Variants in LINGO2 observed in about 807,000 individuals in gnomAD.
The protein encoded by LINGO2 is leucine-rich repeat and immunoglobulin-like domain-containing nogo receptor-interacting protein 2.
LINGO2 carries 14 observed loss-of-function variants against 30.6 expected under a neutral mutation model. The observed-to-expected ratio is 0.46, with a 90% confidence interval of 0.30 to 0.72. The LOEUF (loss-of-function observed/expected upper bound fraction) is 0.72, where lower values mean the gene tolerates loss of function less well. Ranked by LOEUF, LINGO2 falls within the 30% of genes least tolerant of loss-of-function variation. The pLI is 0.07. For missense variants in LINGO2, 729 were observed against 751.7 expected, an observed-to-expected ratio of 0.97 and a Z score of 0.35; for synonymous variants, 317 against 288.5, an observed-to-expected ratio of 1.10 and a Z score of -1.00.
chr9:28,020,014 C>A (rs146720577), intron 4 of LINGO2, among the ~76,000 whole-genome samples: 44 of 152,200 alleles, frequency 2.9e-4, no homozygotes, highest in African/African-American at 9.9e-4. Context: ...CAGAGAGAAG[C>A]CCGGGAAGAT....
intron 5 of LINGO2, among the ~76,000 whole-genome samples, chr9:27,951,288 A>G (rs1249385280): frequency 6.6e-6 from 1 of 152,210 alleles, no homozygotes; most frequent in African/African-American, 2.4e-5. Context: ...TTGAATTTTA[A>G]TGTACGCATC....
chr9:28,226,949 T>C (rs773908004), intron 4 of LINGO2, among the ~76,000 whole-genome samples: 3 of 152,168 alleles, frequency 2.0e-5, no homozygotes, highest in African/African-American at 7.2e-5. Flanking sequence ...GTTTTAATAT[T>C]TGTATAGTTT....
chr9:29,105,864 C>T, the LINGO2 span, among the ~76,000 whole-genome samples: 3 of 152,120 alleles, frequency 2.0e-5, no homozygotes, highest in South Asian at 2.1e-4. Context: ...AGCACAATAA[C>T]AGAGATTTCA....
chr9:28,625,332 C>T (rs536269933), intron 1 of LINGO2, among the ~76,000 whole-genome samples: 1 of 152,258 alleles, frequency 6.6e-6, no homozygotes, highest in African/African-American at 2.4e-5. Context: ...ATTCTCTCTC[C>T]AAGCCATGTG....
chr9:28,309,226 T>C (rs1824503739), intron 3 of LINGO2, among the ~76,000 whole-genome samples: 1 of 152,098 alleles, frequency 6.6e-6, no homozygotes, highest in Non-Finnish European at 1.5e-5. Context: ...ATGTGGCACA[T>C]ATACACCATG....
chr9:28,476,400 C>T (rs1309367595), intron 1 of LINGO2, among the ~76,000 whole-genome samples: 1 of 152,118 alleles, frequency 6.6e-6, no homozygotes, highest in African/African-American at 2.4e-5. Flanking sequence ...CTCAGCCTCC[C>T]GAGTAGCTGG....
chr9:29,106,211 T>G, the LINGO2 span, among the ~76,000 whole-genome samples: 1 of 152,326 alleles, frequency 6.6e-6, no homozygotes, highest in Non-Finnish European at 1.5e-5. Flanking sequence ...TAATATATTC[T>G]TGAGTGAATT....
chr9:28,369,856 G>C (rs1039066742), intron 3 of LINGO2, among the ~76,000 whole-genome samples: 1 of 152,158 alleles, frequency 6.6e-6, no homozygotes. Context: ...AAAGAGTAAA[G>C]TGAATATTGG....
chr9:28,853,809 ACCTGGT>A, the LINGO2 span, among the ~76,000 whole-genome samples: 1 of 151,900 alleles, frequency 6.6e-6, no homozygotes, highest in African/African-American at 2.4e-5. Context: ...AATTACCTCC[ACCTGGT>A]CCTGCCCTTG....
At chr9:29,133,599 TA>T in the LINGO2 span, among the ~76,000 whole-genome samples, 1 of 152,260 alleles carries the variant, frequency 6.6e-6, no homozygotes, top group East Asian at 1.9e-4. Context: ...TCATTTTTTT[TA>T]AAATGCAAAA....
intron 4 of LINGO2, among the ~76,000 whole-genome samples, chr9:28,078,589 G>T (rs1406650052): frequency 6.7e-6 from 1 of 148,538 alleles, no homozygotes; most frequent in East Asian, 1.9e-4. Context: ...GGTGGCTCAT[G>T]CCCGTAATCC....
the LINGO2 span, among the ~76,000 whole-genome samples, chr9:28,962,695 T>G: frequency 6.6e-6 from 1 of 151,804 alleles, no homozygotes; most frequent in African/African-American, 2.4e-5. Flanking sequence ...AATAATTTAC[T>G]ACATTTCATT....
At chr9:28,326,113 C>A (rs1587471118) in intron 3 of LINGO2, among the ~76,000 whole-genome samples, 1 of 152,108 alleles carries the variant, frequency 6.6e-6, no homozygotes, top group African/African-American at 2.4e-5. Context: ...TTCAAGCGAG[C>A]CTCCTGCCTC....
chr9:28,371,730 C>G (rs75269181), intron 3 of LINGO2, among the ~76,000 whole-genome samples: 1 of 152,112 alleles, frequency 6.6e-6, no homozygotes, highest in African/African-American at 2.4e-5. Context: ...TTTCTTTGTA[C>G]TCTCCTAATT....
the LINGO2 span, among the ~76,000 whole-genome samples, chr9:28,771,218 C>G: frequency 2.6e-5 from 4 of 151,796 alleles, no homozygotes; most frequent in South Asian, 8.3e-4. Flanking sequence ...ATTAAAAGAT[C>G]AACTTCATAA....
At chr9:28,777,116 G>T in the LINGO2 span, among the ~76,000 whole-genome samples, 1 of 152,006 alleles carries the variant, frequency 6.6e-6, no homozygotes, top group East Asian at 1.9e-4. Context: ...ATTTCCTGAG[G>T]CCTCCCAATC....
chr9:28,878,381 G>C, the LINGO2 span, among the ~76,000 whole-genome samples: 22,152 of 152,058 alleles, frequency 0.15, 1,785 homozygotes, highest in East Asian at 0.3. Context: ...AGGACTAGAT[G>C]GATTCACAGC....
rs762768949 is a variant in LINGO2 at position 28,040,424 on chromosome 9, GTTT to G, written c.-86-28022_-86-28020del. Among the ~76,000 whole-genome samples, 79 of 124,280 alleles carry G rather than the reference GTTT, an allele frequency of 6.4e-4. 1 individual carries two copies. Among genetic ancestry groups the G allele is most frequent in the African/African-American group, 1.9e-3 (63 of 33,978 alleles). 81.5% of individuals were successfully genotyped at this position (124,280 alleles called of 152,430 possible). A position where few individuals can be genotyped will look rare whatever the true frequency, so the allele number is the denominator to read the frequency against. On this transcript the variant is annotated intron_variant, in intron 4 of 5. Coordinates refer to ENST00000379992, the Ensembl canonical transcript of LINGO2. ...TGGTTGTTCAAAAAGACAGCTTGAA[GTTT>G]TTTTTTTTTTTTTTTTTGGACAGGG...
intron 5 of LINGO2, among the ~76,000 whole-genome samples, chr9:28,003,348 TAG>T (rs773232183): frequency 0.017 from 2,076 of 123,542 alleles, 15 homozygotes; most frequent in African/African-American, 0.038. Context: ...GATATATAGA[TAG>T]ATAGATAGAT....
Sources: allele counts gnomAD v4.1 joint callset (sites outside exome capture counted in the v4.1 genomes callset), GRCh38; gene constraint gnomAD v4.1.1; transcripts MANE v1.5; gene names NCBI Gene and HGNC (gene_info 2026-07-23, HGNC 2026-07-21).